CMYA5: variants seen among roughly 807,000 people sequenced by gnomAD.
CMYA5 encodes cardiomyopathy associated 5, also known as cardiomyopathy-associated protein 5.
Under a neutral mutation model 318.9 loss-of-function variants are expected in CMYA5, and 246 were observed. That is an observed-to-expected ratio of 0.77 (90% confidence interval 0.70 to 0.86). The LOEUF (loss-of-function observed/expected upper bound fraction) is 0.86. Ranked by LOEUF, CMYA5 falls within the 40% of genes least tolerant of loss-of-function variation. The pLI, the probability that CMYA5 is intolerant of heterozygous loss-of-function variation, is 0.00. For missense variants in CMYA5, 4,589 were observed against 4,678.2 expected (o/e 0.98, Z 0.56); for synonymous variants, 1,641 against 1,729.5 (o/e 0.95, Z 1.27).
chr5:79,692,168 G>T (rs1316910856), intron 1 of CMYA5, among the ~76,000 whole-genome samples: 1 of 152,110 alleles, frequency 6.6e-6, no homozygotes, highest in Non-Finnish European at 1.5e-5. Context: ...AGGGAGGGGG[G>T]TGTAGTGTAG....
chr5:79,705,742 T>C (rs900744679), intron 1 of CMYA5, among the ~76,000 whole-genome samples: 25 of 152,198 alleles, frequency 1.6e-4, no homozygotes, highest in African/African-American at 6.0e-4. Flanking sequence ...TCTAGGACTT[T>C]CTTTCAATCT....
intron 12 of CMYA5, among the ~76,000 whole-genome samples, chr5:79,797,540 C>T (rs192081031): frequency 2.4e-4 from 37 of 152,204 alleles, no homozygotes; most frequent in African/African-American, 8.7e-4. Context: ...TCAAATGGCC[C>T]TCCTGGTCTT....
At chr5:79,758,636 AC>A in intron 6 of CMYA5, 116 bp from the exon 7 acceptor site, 4 of 672,412 alleles carry the variant, frequency 5.9e-6, no homozygotes, top group Non-Finnish European at 8.7e-6. Flanking sequence ...GAGCCCTTCT[AC>A]TTTTATACTA....
At position 79,799,872 on chromosome 5, in the gene CMYA5, A is replaced by ACCACC; in HGVS notation, c.*256_*257insCCACC. On this transcript the variant is annotated 3_prime_UTR_variant, in exon 13 of 13. Transcript: ENST00000446378. ...TAAGTTTGAGTTCTTTCCTAAATTA[A>ACCACC]AAGATCTACACTTGAGTTGGGAACC... is the stretch of plus-strand genomic sequence containing the variant. 11 of 171,408 alleles carry ACCACC rather than the reference A, an allele frequency of 6.4e-5. No homozygotes were observed. Among genetic ancestry groups the ACCACC allele is most frequent in the Non-Finnish European group, 7.9e-5 (7 of 88,586 alleles). The allele number at this position is 171,408 out of a possible 1,614,324, so 10.6% of individuals were successfully genotyped here. A position where few individuals can be genotyped will look rare whatever the true frequency, so the allele number is the denominator to read the frequency against.
chr5:79,739,372 C>A lies in CMYA5; in HGVS notation c.10607C>A (p.Ser3536Ter). The A allele has an allele frequency of 6.4e-7, 1 of 1,552,980 alleles. No individual in the cohort carries two copies. The highest frequency in any genetic ancestry group is 8.7e-7 in the Non-Finnish European group (1 of 1,149,234). ...VFGTHKDHEV[S>*]TLDTAISAVK... ...GGCACCCACAAAGACCATGAAGTTTCAACGCTTGACACAGCTATAAGTGCT... is the reference window on the plus strand; with the variant it reads ...GGCACCCACAAAGACCATGAAGTTTAAACGCTTGACACAGCTATAAGTGCT... The change falls in exon 2 of 13, where the codon TCA becomes TAA. Residue 3536 changes from serine to a stop codon, truncating the protein, a stop_gained. Transcript: ENST00000446378. LOFTEE classifies it high-confidence loss of function.
At chr5:79,698,243 T>C (rs1827108257) in intron 1 of CMYA5, among the ~76,000 whole-genome samples, 1 of 151,914 alleles carries the variant, frequency 6.6e-6, no homozygotes, top group African/African-American at 2.4e-5. Flanking sequence ...AGAGCTTCAA[T>C]AAATCCCCTA....
At position 79,737,549 on chromosome 5, in the gene CMYA5, A is replaced by C. The variant is rs1372840746; in HGVS notation, c.8784A>C (p.Thr2928=). ...EDTYAKGEDF[T]VTSKPAGLSE... ...CATATGCAAAAGGTGAAGACTTTACAGTGACTAGTAAGCCAGCCGGACTTT... is the reference window on the plus strand; with the variant it reads ...CATATGCAAAAGGTGAAGACTTTACCGTGACTAGTAAGCCAGCCGGACTTT... Residue 2928 remains threonine (T), a synonymous_variant, in exon 2 of 13, where the codon ACA becomes ACC. Transcript: ENST00000446378. 5.0e-6 allele frequency: 8 copies of C among 1,613,706 alleles called. No individual in the cohort carries two copies. In the East Asian group the frequency reaches 1.8e-4, roughly 36 times the overall value.
At position 79,732,486 on chromosome 5, in the gene CMYA5, T is replaced by C. The variant is rs780899555; in HGVS notation, c.3721T>C (p.Ser1241Pro). 1.2e-6 allele frequency: 2 copies of C among 1,613,192 alleles called. No individual in the cohort carries two copies. Among genetic ancestry groups the C allele is most frequent in the Non-Finnish European group, 1.7e-6 (2 of 1,179,588 alleles). Residue 1241 changes from serine to proline, a missense_variant, in exon 2 of 13, where the codon TCA becomes CCA. Transcript: ENST00000446378. ...TGTTCCAGAGTCTGAGATGAAATATTCAGTTTTGCCTGACATGGTAGATGA... is the reference window on the plus strand; with the variant it reads ...TGTTCCAGAGTCTGAGATGAAATATCCAGTTTTGCCTGACATGGTAGATGA... ...PNVPESEMKY[S>P]VLPDMVDEPK...
At chr5:79,713,275 AGTCCCCACCCCGCTGCACCCC>A (rs1827435168) in intron 1 of CMYA5, among the ~76,000 whole-genome samples, 2 of 150,036 alleles carry the variant, frequency 1.3e-5, no homozygotes, top group South Asian at 4.4e-4. Flanking sequence ...CACACAGGAC[AGTCCCCACCCCGCTGCACCCC>A]GCCCCCACCC....
chr5:79,735,202 C>T lies in CMYA5; in HGVS notation c.6437C>T (p.Pro2146Leu), dbSNP rs199574003. ...ATCCATGCAAGAGAGCCTCAATCCC[C>T]AGAGTCACCTGAGGTGACACAAAAT... ...SSIHAREPQS[P>L]ESPEVTQNPP... is the part of the protein sequence containing the mutation. The change falls in exon 2 of 13, where the codon CCA becomes CTA. Residue 2146 changes from proline (P) to leucine (L), a missense_variant. By Grantham distance (98) the Pro-to-Leu change is moderately conservative (BLOSUM62 -3). Transcript: ENST00000446378. 6.2e-7 allele frequency: 1 copy of T among 1,613,674 alleles called. No individual in the cohort carries two copies. Among genetic ancestry groups the T allele is most frequent in the Non-Finnish European group, 8.5e-7 (1 of 1,179,794 alleles).
At chr5:79,693,219 G>A (rs1188472874) in intron 1 of CMYA5, among the ~76,000 whole-genome samples, 3 of 152,138 alleles carry the variant, frequency 2.0e-5, no homozygotes, top group Non-Finnish European at 4.4e-5. Flanking sequence ...TTTGTGAAAG[G>A]CAGATTATAA....
chr5:79,748,878 T>A (rs1290874354), intron 5 of CMYA5, among the ~76,000 whole-genome samples: 2 of 152,166 alleles, frequency 1.3e-5, no homozygotes, highest in African/African-American at 4.8e-5. Context: ...GGATTTACAG[T>A]GCCATTCCAT....
chr5:79,729,202 G>T lies in CMYA5; in HGVS notation c.437G>T (p.Arg146Leu), dbSNP rs762447448. 1.2e-6 allele frequency: 2 copies of T among 1,612,792 alleles called. No individual in the cohort carries two copies. The highest frequency in any genetic ancestry group is 1.7e-6 in the Non-Finnish European group (2 of 1,179,624). The change falls in exon 2 of 13, where the codon CGC becomes CTC. Residue 146 changes from arginine (R) to leucine (L), a missense_variant. Transcript: ENST00000446378. ...TCAAAGCATGGTTCACCATCATTAC[G>T]CCGGAAAGGCAACAGAAAAAGAAAT... ...HKSKHGSPSLRRKGNRKRNSF... is the reference protein window; with the variant it reads ...HKSKHGSPSLLRKGNRKRNSF...
chr5:79,711,980 A>T (rs1442988697), intron 1 of CMYA5, among the ~76,000 whole-genome samples: 2 of 152,074 alleles, frequency 1.3e-5, no homozygotes, highest in African/African-American at 4.8e-5. Flanking sequence ...TATCTCAAGG[A>T]TGCTTCTCTC....
chr5:79,799,229 A>G, intron 12 of CMYA5, 141 bp from the exon 13 acceptor site: 1 of 767,472 alleles, frequency 1.3e-6, no homozygotes, highest in Non-Finnish European at 2.0e-6. Flanking sequence ...AATCTAGTGA[A>G]GTATTTGGGA....
At chr5:79,764,353 T>C (rs2151095669) in intron 9 of CMYA5, among the ~76,000 whole-genome samples, 1 of 152,324 alleles carries the variant, frequency 6.6e-6, no homozygotes, top group South Asian at 2.1e-4. Flanking sequence ...TATGGCTGCA[T>C]AGTATTTCGT....
intron 1 of CMYA5, among the ~76,000 whole-genome samples, chr5:79,715,673 G>GTTTCCTTACACC (rs1431571233): frequency 6.6e-6 from 1 of 152,166 alleles, no homozygotes; most frequent in Non-Finnish European, 1.5e-5. Flanking sequence ...CCTTACTCCT[G>GTTTCCTTACACC]TTAGCAGATG....
chr5:79,692,713 TTAG>T, intron 1 of CMYA5, among the ~76,000 whole-genome samples: 1 of 152,364 alleles, frequency 6.6e-6, no homozygotes, highest in African/African-American at 2.4e-5. Context: ...TGCTTGGTTC[TTAG>T]TAGGTTCCCA....
At chr5:79,796,499 A>C (rs1829278279) in intron 12 of CMYA5, among the ~76,000 whole-genome samples, 1 of 152,158 alleles carries the variant, frequency 6.6e-6, no homozygotes, top group African/African-American at 2.4e-5. Context: ...TCCTGGGCTC[A>C]AGCAATCCTC....
Sources: gnomAD v4.1 joint callset for allele counts (sites outside exome capture counted in the v4.1 genomes callset) on GRCh38, gnomAD v4.1.1 for gene constraint, MANE v1.5 for transcripts, NCBI Gene and HGNC (gene_info 2026-07-23, HGNC 2026-07-21) for gene names.